The following FRK variants were observed in gnomAD, a reference collection of about 807,000 sequenced individuals.
FRK encodes tyrosine-protein kinase FRK.
Under a neutral mutation model 56.4 loss-of-function variants are expected in FRK, and 51 were observed. The ratio of observed to expected loss-of-function variants is 0.90; its 90% confidence interval spans 0.72 to 1.14. The LOEUF is 1.14. Among genes scored for constraint, FRK ranks in the 50% most tolerant of loss-of-function variants. The pLI is 0.00. For missense variants in FRK, 570 were observed against 601.4 expected (o/e 0.95, Z 0.55); for synonymous variants, 245 against 217.9 (o/e 1.12, Z -1.10).
chr6:116,005,166 T>C (rs1196027729), intron 1 of FRK, among the ~76,000 whole-genome samples: 3 of 152,282 alleles, frequency 2.0e-5, no homozygotes, highest in Non-Finnish European at 2.9e-5. Context: ...ATGCAGGGTG[T>C]TCGTTTATCA....
chr6:115,965,130 A>C (rs1773511786), intron 4 of FRK, among the ~76,000 whole-genome samples: 2 of 128,220 alleles, frequency 1.6e-5, no homozygotes, highest in South Asian at 6.0e-4. Flanking sequence ...ACATGGGAGA[A>C]AATTTTCGCA....
chr6:116,006,543 T>C (rs768789686), intron 1 of FRK, among the ~76,000 whole-genome samples: 1 of 152,202 alleles, frequency 6.6e-6, no homozygotes, highest in African/African-American at 2.4e-5. Flanking sequence ...CTCAAGAAGA[T>C]ACACTACAAG....
At chr6:116,014,403 G>T (rs1300605189) in intron 1 of FRK, among the ~76,000 whole-genome samples, 1 of 152,030 alleles carries the variant, frequency 6.6e-6, no homozygotes, top group Non-Finnish European at 1.5e-5. Flanking sequence ...TAGGCTATAA[G>T]GAGGATGGAA....
intron 1 of FRK, among the ~76,000 whole-genome samples, chr6:116,049,312 A>T (rs1777103898): frequency 1.3e-5 from 2 of 152,274 alleles, no homozygotes; most frequent in Middle Eastern, 3.4e-3. Context: ...TCCCTCCTGT[A>T]TATTATTCAA....
chr6:116,081,392 C>G, the FRK span, among the ~76,000 whole-genome samples: 2 of 152,184 alleles, frequency 1.3e-5, no homozygotes, highest in Non-Finnish European at 2.9e-5. Flanking sequence ...TGCAGTGGCT[C>G]ACGCCTGTAA....
rs1771962947 is a variant in FRK, at chr6:115,931,825, T to C, written c.*10589A>G. The C allele has an allele frequency of 6.6e-6, 1 of 152,188 alleles. No individual in the cohort carries two copies. The highest frequency in any genetic ancestry group is 2.4e-5 in the African/African-American group (1 of 41,448). The allele number at this position is 152,188 out of a possible 1,614,324, so 9.4% of individuals were successfully genotyped here. A position where few individuals can be genotyped will look rare whatever the true frequency, so the allele number is the denominator to read the frequency against. On this transcript the variant is annotated 3_prime_UTR_variant, in exon 8 of 8. Transcript: ENST00000606080. ...TTTCTTCCAAACAGGGCAGTTTTAG[T>C]TGCTTTTAACCACTTTTTCCCAACA...
At chr6:115,980,693 T>G (rs1774165443) in intron 2 of FRK, among the ~76,000 whole-genome samples, 2 of 152,178 alleles carry the variant, frequency 1.3e-5, no homozygotes, top group Admixed American at 6.6e-5. Context: ...AGACAATGTC[T>G]GCACATTTTG....
At chr6:115,961,363 T>C (rs1160557662) in intron 4 of FRK, among the ~76,000 whole-genome samples, 2 of 117,382 alleles carry the variant, frequency 1.7e-5, no homozygotes, top group Non-Finnish European at 3.4e-5. Context: ...TAAAAAGAAA[T>C]GAGCAAAGCC....
intron 2 of FRK, among the ~76,000 whole-genome samples, chr6:115,978,646 TAAATG>T (rs1774076930): frequency 6.6e-6 from 1 of 152,022 alleles, no homozygotes; most frequent in South Asian, 2.1e-4. Context: ...ACAGCCTGCA[TAAATG>T]ATGGTGGTTC....
upstream of FRK, among the ~76,000 whole-genome samples, chr6:116,064,939 C>A (rs1435579534): frequency 6.6e-6 from 1 of 152,176 alleles, no homozygotes; most frequent in African/African-American, 2.4e-5. Flanking sequence ...CACATCTGAT[C>A]CTGTATCCTT....
chr6:116,046,761 C>T (rs2114803987), intron 1 of FRK, among the ~76,000 whole-genome samples: 1 of 151,970 alleles, frequency 6.6e-6, no homozygotes, highest in East Asian at 1.9e-4. Flanking sequence ...GCACATGTAT[C>T]CCAGAACTTA....
chr6:116,046,691 T>C (rs1776977278), intron 1 of FRK, among the ~76,000 whole-genome samples: 1 of 151,970 alleles, frequency 6.6e-6, no homozygotes, highest in East Asian at 1.9e-4. Flanking sequence ...GGTGATGGGT[T>C]AATGGGTGCA....
chr6:115,945,743 A>G (rs1164278960), intron 5 of FRK, among the ~76,000 whole-genome samples: 2 of 152,268 alleles, frequency 1.3e-5, no homozygotes, highest in East Asian at 1.9e-4. Flanking sequence ...CAAGCTTGAT[A>G]CATTATTTTA....
chr6:116,057,120 ATACGT>A (rs2114831860), intron 1 of FRK, among the ~76,000 whole-genome samples: 1 of 152,350 alleles, frequency 6.6e-6, no homozygotes, highest in African/African-American at 2.4e-5. Flanking sequence ...AAATACTAAC[ATACGT>A]TGCATTAAAC....
intron 1 of FRK, among the ~76,000 whole-genome samples, chr6:116,045,717 A>C (rs918360247): frequency 6.6e-6 from 1 of 152,222 alleles, no homozygotes; most frequent in African/African-American, 2.4e-5. Context: ...AATATCATTC[A>C]GGACATAGGC....
At position 116,060,313 on chromosome 6, in the gene FRK, G is replaced by T; in HGVS notation, c.-2C>A. The T allele has an allele frequency of 6.2e-7, 1 of 1,610,646 alleles. No homozygotes were observed. Among genetic ancestry groups the T allele is most frequent in the Non-Finnish European group, 8.5e-7 (1 of 1,177,922 alleles). On this transcript the variant is annotated 5_prime_UTR_variant, in exon 1 of 8. Coordinates refer to ENST00000606080, the MANE Select transcript of FRK (RefSeq NM_002031.3). ...GAGCCTCTGACAGATGTTGCTCATT[G>T]TGCCTTGGTGGGGAGAAGAGGAGCA...
the FRK span, among the ~76,000 whole-genome samples, chr6:116,068,570 G>T: frequency 6.6e-6 from 1 of 152,102 alleles, no homozygotes; most frequent in Non-Finnish European, 1.5e-5. Context: ...AGGTGTGTTG[G>T]CATGCCATGT....
intron 5 of FRK, among the ~76,000 whole-genome samples, chr6:115,949,984 G>A (rs1772656737): frequency 6.6e-6 from 1 of 152,168 alleles, no homozygotes; most frequent in South Asian, 2.1e-4. Flanking sequence ...GCCATATGCA[G>A]AAAACTGAAA....
intron 5 of FRK, among the ~76,000 whole-genome samples, chr6:115,951,248 A>C (rs1207798301): frequency 1.3e-5 from 2 of 152,232 alleles, no homozygotes; most frequent in Non-Finnish European, 1.5e-5. Context: ...GTCACAAGGT[A>C]CTACAGTGTT....
Sources: allele counts gnomAD v4.1 joint callset (sites outside exome capture counted in the v4.1 genomes callset), GRCh38; gene constraint gnomAD v4.1.1; transcripts MANE v1.5; gene names NCBI Gene and HGNC (gene_info 2026-07-23, HGNC 2026-07-21).